The following EOGT variants were observed in gnomAD, a reference collection of about 807,000 sequenced individuals.
EOGT encodes EGF domain specific O-linked N-acetylglucosamine transferase.
A neutral mutation model predicts 70.5 loss-of-function variants in EOGT; 55 were observed. That is an observed-to-expected ratio of 0.78 (90% CI 0.63 to 0.98). The LOEUF (loss-of-function observed/expected upper bound fraction) is 0.98, where lower values mean the gene tolerates loss of function less well. Ranked by LOEUF, EOGT falls within the 50% of genes least tolerant of loss-of-function variation. The pLI is 0.00. For synonymous variants in EOGT, 246 were observed against 217.1 expected (o/e 1.13, Z -1.17); for missense variants, 703 against 641.9 (o/e 1.10, Z -1.03).
intron 9 of EOGT, 61 bp downstream of exon 9, chr3:69,001,547 C>CA (rs1559608452): frequency 3.5e-6 from 4 of 1,136,326 alleles, no homozygotes; most frequent in Non-Finnish European, 3.8e-6. Context: ...TTACTACATC[C>CA]AAAAAAAGGA....
chr3:68,993,707 A>T (rs2091062519), intron 10 of EOGT, among the ~76,000 whole-genome samples: 2 of 152,224 alleles, frequency 1.3e-5, no homozygotes, highest in Admixed American at 6.5e-5. Flanking sequence ...CTGCTGATAA[A>T]GATACACCCG....
rs2091528080 is a variant in EOGT at position 69,009,793 on chromosome 3, A to T, written c.54T>A (p.Gly18=). The part of the protein sequence containing the change: ...GVLLHEVSLS[G]QNEAPPNTHS... Reference sequence around the variant, plus strand: ...GAGTATTAGGAGGAGCTTCATTCTGACCACTCAGTGAGACTTCATGAAGTA... The same window carrying T: ...GAGTATTAGGAGGAGCTTCATTCTGTCCACTCAGTGAGACTTCATGAAGTA... The change falls in exon 4 of 18, where the codon GGT becomes GGA. Residue 18 remains glycine, a synonymous_variant. Coordinates refer to ENST00000383701, the MANE Select transcript of EOGT (RefSeq NM_001278689.2). 2 of 1,614,110 alleles carry T rather than the reference A, an allele frequency of 1.2e-6. No homozygotes were observed. The highest frequency in any genetic ancestry group is 4.5e-5 in the East Asian group (2 of 44,874).
chr3:68,978,914 A>T (rs2090552174), intron 16 of EOGT, among the ~76,000 whole-genome samples: 2 of 152,138 alleles, frequency 1.3e-5, no homozygotes, highest in Admixed American at 1.3e-4. Context: ...TGACAGAGAT[A>T]GAATCCATTA....
chr3:69,009,572 C>A, intron 4 of EOGT, 65 bp downstream of exon 4: 2 of 1,294,508 alleles, frequency 1.5e-6, no homozygotes, highest in Middle Eastern at 1.9e-4. Context: ...GGTTATAAAG[C>A]AGAACCTGTA....
intron 9 of EOGT, among the ~76,000 whole-genome samples, chr3:69,000,191 A>T (rs1473840598): frequency 6.6e-6 from 1 of 152,148 alleles, no homozygotes; most frequent in Admixed American, 6.5e-5. Flanking sequence ...ATGCCACTGT[A>T]CTCCAGCCTG....
chr3:68,984,242 C>T (rs1010679660), intron 14 of EOGT, among the ~76,000 whole-genome samples: 2 of 152,090 alleles, frequency 1.3e-5, no homozygotes, highest in African/African-American at 2.4e-5. Context: ...CACACACACA[C>T]GCACACAGTC....
intron 8 of EOGT, among the ~76,000 whole-genome samples, chr3:69,003,730 G>C (rs780437015): frequency 7.2e-5 from 11 of 152,166 alleles, no homozygotes; most frequent in Non-Finnish European, 1.6e-4. Flanking sequence ...TTTGGAGAGG[G>C]GGATGGGGGT....
intron 14 of EOGT, among the ~76,000 whole-genome samples, 167 bp from the exon 15 acceptor site, chr3:68,983,039 C>T (rs1575713764): frequency 6.6e-6 from 1 of 151,956 alleles, no homozygotes; most frequent in African/African-American, 2.4e-5. Context: ...TCATTCAGGT[C>T]AATAGTTCTG....
intron 9 of EOGT, among the ~76,000 whole-genome samples, chr3:68,999,304 T>C (rs2091238481): frequency 6.6e-6 from 1 of 152,212 alleles, no homozygotes; most frequent in Non-Finnish European, 1.5e-5. Flanking sequence ...TTGTGGGAAC[T>C]ACTATTTGTA....
intron 10 of EOGT, among the ~76,000 whole-genome samples, chr3:68,990,067 A>G (rs554960931): frequency 2.4e-4 from 36 of 152,286 alleles, no homozygotes; most frequent in South Asian, 1.2e-3. Context: ...ACAACTTTAT[A>G]TAATAATAAT....
In EOGT at chr3:68,975,273, A is replaced by T. The variant is rs926666146; in HGVS notation, c.*2345T>A. 15 of 152,678 alleles carry T rather than the reference A, an allele frequency of 9.8e-5. No individual in the cohort carries two copies. The highest frequency in any genetic ancestry group is 3.3e-4 in the Admixed American group (5 of 15,288). 9.5% of individuals were successfully genotyped at this position (152,678 alleles called of 1,614,324 possible). On this transcript the variant is annotated 3_prime_UTR_variant, in exon 18 of 18. Transcript: ENST00000383701. ...TATTCCAAAGCCATACCCAAAACAT[A>T]CAATGAAATACATCCCTGTTAAAGA...
chr3:68,984,663 C>T (rs944618966), intron 14 of EOGT, among the ~76,000 whole-genome samples: 1 of 152,102 alleles, frequency 6.6e-6, no homozygotes, highest in Admixed American at 6.6e-5. Flanking sequence ...CAGTTGGGTG[C>T]TCTTTGGCTT....
intron 10 of EOGT, among the ~76,000 whole-genome samples, chr3:68,993,805 T>G (rs2091065654): frequency 6.6e-6 from 1 of 152,162 alleles, no homozygotes; most frequent in South Asian, 2.1e-4. Context: ...TAAAGGCACT[T>G]CTTACATGGT....
intron 9 of EOGT, among the ~76,000 whole-genome samples, chr3:68,999,082 C>T (rs1034220141): frequency 5.9e-5 from 9 of 152,190 alleles, no homozygotes; most frequent in African/African-American, 2.2e-4. Context: ...AATTCCAGCA[C>T]AGCCAAGCAT....
chr3:69,000,066 T>C lies in EOGT; in HGVS notation c.727+1542A>G, dbSNP rs138102869. 1.4e-3 allele frequency among the ~76,000 whole-genome samples: 208 copies of C among 151,968 alleles called. 1 individual carries two copies. The highest frequency in any genetic ancestry group is 4.6e-3 in the African/African-American group (190 of 41,468). On this transcript the variant is annotated intron_variant, in intron 9 of 17. Transcript: ENST00000383701. ...TGAGACCCCATCTCTACAAAACATATGTTAAAAATTAGCCAGGCATGGTGG... is the reference window on the plus strand; with the variant it reads ...TGAGACCCCATCTCTACAAAACATACGTTAAAAATTAGCCAGGCATGGTGG...
At chr3:68,990,852 T>C (rs952495756) in intron 10 of EOGT, among the ~76,000 whole-genome samples, 1 of 151,512 alleles carries the variant, frequency 6.6e-6, no homozygotes, top group South Asian at 2.1e-4. Flanking sequence ...GAAAATTTTA[T>C]GTTGCACATA....
chr3:69,005,689 G>C (rs934227589), intron 6 of EOGT, among the ~76,000 whole-genome samples: 1 of 152,184 alleles, frequency 6.6e-6, no homozygotes. Context: ...GGTGCTTTCT[G>C]CAAACCGTAA....
chr3:68,998,820 G>C (rs2091223366), intron 9 of EOGT, among the ~76,000 whole-genome samples: 2 of 135,636 alleles, frequency 1.5e-5, no homozygotes, highest in East Asian at 2.1e-4. Context: ...CTGAGCAACA[G>C]AGTGAGACTC....
intron 10 of EOGT, among the ~76,000 whole-genome samples, chr3:68,992,713 A>C (rs2091029518): frequency 6.6e-6 from 1 of 152,124 alleles, no homozygotes; most frequent in Non-Finnish European, 1.5e-5. Context: ...TCCCTTCCAC[A>C]CTGCCTTAGC....
Sources: allele counts gnomAD v4.1 joint callset (sites outside exome capture counted in the v4.1 genomes callset), GRCh38; gene constraint gnomAD v4.1.1; transcripts MANE v1.5; gene names NCBI Gene and HGNC (gene_info 2026-07-23, HGNC 2026-07-21).